CAMKMT: variants seen among roughly 807,000 people sequenced by gnomAD.
The protein encoded by CAMKMT is calmodulin-lysine N-methyltransferase, also known as CaM KMT.
In CAMKMT, 53 loss-of-function variants were observed where a neutral mutation model predicts 48.0. The ratio of observed to expected loss-of-function variants is 1.10; its 90% CI spans 0.89 to 1.39. The LOEUF (loss-of-function observed/expected upper bound fraction) is 1.39, where lower values mean the gene tolerates loss of function less well. Ranked by LOEUF, CAMKMT falls within the 40% of genes most tolerant of loss-of-function variation. CAMKMT has a pLI of 0.00. For missense variants in CAMKMT, 428 were observed against 402.7 expected (o/e 1.06, Z -0.54); for synonymous variants, 165 against 152.3 (o/e 1.08, Z -0.61).
intron 3 of CAMKMT, among the ~76,000 whole-genome samples, chr2:44,577,908 C>T (rs1015452085): frequency 2.0e-5 from 3 of 152,148 alleles, no homozygotes; most frequent in Admixed American, 1.3e-4. Flanking sequence ...ATTTATTGCC[C>T]GTAGACAGAT....
chr2:44,450,449 G>C (rs1206172717), intron 3 of CAMKMT, among the ~76,000 whole-genome samples: 1 of 152,102 alleles, frequency 6.6e-6, no homozygotes, highest in African/African-American at 2.4e-5. Context: ...CGTTAATTAT[G>C]CCAAACATTG....
At chr2:44,650,093 G>T (rs1673972522) in intron 3 of CAMKMT, among the ~76,000 whole-genome samples, 1 of 152,170 alleles carries the variant, frequency 6.6e-6, no homozygotes, top group South Asian at 2.1e-4. Flanking sequence ...CACACACTAA[G>T]TTACCTAAAA....
intron 6 of CAMKMT, among the ~76,000 whole-genome samples, chr2:44,708,292 CT>C (rs142440468): frequency 0.15 from 18,567 of 123,580 alleles, 1,305 homozygotes; most frequent in Middle Eastern, 0.26. Flanking sequence ...GAATTTTAAG[CT>C]CCTAAACTGC....
chr2:44,753,108 T>C (rs1471259645), intron 8 of CAMKMT, among the ~76,000 whole-genome samples: 1 of 151,662 alleles, frequency 6.6e-6, no homozygotes, highest in Non-Finnish European at 1.5e-5. Context: ...AAAATCAAAA[T>C]GAACTATAAA....
At chr2:44,705,665 A>G (rs1168483880) in intron 4 of CAMKMT, 3 of 298,910 alleles carry the variant, frequency 1.0e-5, no homozygotes, top group African/African-American at 2.3e-5. Flanking sequence ...ATGTCCCTGC[A>G]TTGTTTATTC....
intron 8 of CAMKMT, among the ~76,000 whole-genome samples, chr2:44,748,638 C>T (rs1680018611): frequency 6.6e-6 from 1 of 151,858 alleles, no homozygotes; most frequent in South Asian, 2.1e-4. Context: ...TTTGGGAGGC[C>T]GAGGCGGGCA....
intron 2 of CAMKMT, among the ~76,000 whole-genome samples, chr2:44,389,854 A>G (rs1184840457): frequency 6.6e-6 from 1 of 152,138 alleles, no homozygotes; most frequent in Non-Finnish European, 1.5e-5. Context: ...GTGCTGTTAT[A>G]GAGTAAATTT....
intron 3 of CAMKMT, among the ~76,000 whole-genome samples, chr2:44,506,034 T>G (rs1224517309): frequency 2.0e-5 from 3 of 151,992 alleles, no homozygotes; most frequent in Non-Finnish European, 4.4e-5. Flanking sequence ...TTTGTATTTT[T>G]TTATAGAGAC....
chr2:44,768,979 A>G (rs1268332516), intron 10 of CAMKMT, among the ~76,000 whole-genome samples: 21 of 152,120 alleles, frequency 1.4e-4, no homozygotes. Context: ...CTTGTTACAC[A>G]AATGGTCGTG....
intron 3 of CAMKMT, among the ~76,000 whole-genome samples, chr2:44,589,899 AAAAAAAAAAG>A (rs1345736068): frequency 4.8e-5 from 4 of 84,166 alleles, no homozygotes; most frequent in Non-Finnish European, 1.0e-4. Context: ...AAAAAAAGAA[AAAAAAAAAAG>A]AACGAAAAAA....
At chr2:44,495,645 C>T (rs1382815233) in intron 3 of CAMKMT, among the ~76,000 whole-genome samples, 1 of 152,148 alleles carries the variant, frequency 6.6e-6, no homozygotes, top group Non-Finnish European at 1.5e-5. Context: ...CCAAGGATGT[C>T]AATTGGAAGC....
At chr2:44,590,484 G>A (rs1171321934) in intron 3 of CAMKMT, among the ~76,000 whole-genome samples, 1 of 152,128 alleles carries the variant, frequency 6.6e-6, no homozygotes, top group African/African-American at 2.4e-5. Context: ...TTGTGGTTTT[G>A]ATTTGCATTT....
At chr2:44,534,602 A>C (rs1205558254) in intron 3 of CAMKMT, among the ~76,000 whole-genome samples, 3 of 152,214 alleles carry the variant, frequency 2.0e-5, no homozygotes, top group African/African-American at 7.2e-5. Context: ...ATACAAATAT[A>C]TGGAAATTAA....
chr2:44,715,974 G>C (rs899538361), intron 7 of CAMKMT, among the ~76,000 whole-genome samples: 1 of 152,144 alleles, frequency 6.6e-6, no homozygotes, highest in African/African-American at 2.4e-5. Context: ...ATACAAACTA[G>C]GAGGAATGCT....
At chr2:44,416,038 C>G (rs1019178860) in intron 3 of CAMKMT, among the ~76,000 whole-genome samples, 2 of 152,106 alleles carry the variant, frequency 1.3e-5, no homozygotes, top group Non-Finnish European at 2.9e-5. Context: ...TTTTAAGATA[C>G]TGAATAATTG....
At chr2:44,553,585 T>C (rs1409798482) in intron 3 of CAMKMT, among the ~76,000 whole-genome samples, 2 of 152,184 alleles carry the variant, frequency 1.3e-5, no homozygotes, top group Non-Finnish European at 2.9e-5. Flanking sequence ...GATCTCGAAT[T>C]CCTGGCCTCA....
chr2:44,414,638 G>A (rs1289186721), intron 3 of CAMKMT, among the ~76,000 whole-genome samples: 5 of 152,134 alleles, frequency 3.3e-5, no homozygotes, highest in Non-Finnish European at 7.3e-5. Context: ...CAGCCATGTG[G>A]TGATCATACA....
intron 7 of CAMKMT, among the ~76,000 whole-genome samples, 174 bp downstream of exon 7, chr2:44,715,527 G>A (rs1316852233): frequency 6.6e-6 from 1 of 152,140 alleles, no homozygotes; most frequent in East Asian, 1.9e-4. Context: ...AATACTATGA[G>A]GCAGACAGAC....
intron 3 of CAMKMT, among the ~76,000 whole-genome samples, chr2:44,430,943 GC>G (rs765330527): frequency 6.6e-6 from 1 of 152,110 alleles, no homozygotes; most frequent in Non-Finnish European, 1.5e-5. Context: ...TGTAAACAAA[GC>G]TTTAATAAGT....
Sources: allele counts gnomAD v4.1 joint callset (sites outside exome capture counted in the v4.1 genomes callset), GRCh38; gene constraint gnomAD v4.1.1; transcripts MANE v1.5; gene names NCBI Gene and HGNC (gene_info 2026-07-23, HGNC 2026-07-21).